CNTNAP2: variants seen among roughly 807,000 people sequenced by gnomAD.
CNTNAP2 encodes the protein contactin-associated protein-like 2.
CNTNAP2 carries 98 observed loss-of-function variants against 155.2 expected under a neutral mutation model. That is an observed-to-expected ratio of 0.63 (90% CI 0.54 to 0.75). The LOEUF (loss-of-function observed/expected upper bound fraction) is 0.75, where lower values mean the gene tolerates loss of function less well. CNTNAP2 is among the 30% of genes least tolerant of loss of function. CNTNAP2 has a pLI of 0.00. For synonymous variants in CNTNAP2, 651 were observed against 631.2 expected, an observed-to-expected ratio of 1.03 and a Z score of -0.47; for missense variants, 1,727 against 1,688.1, an observed-to-expected ratio of 1.02 and a Z score of -0.40.
chr7:146,677,067 T>C (rs1800412319), intron 1 of CNTNAP2, among the ~76,000 whole-genome samples: 2 of 152,200 alleles, frequency 1.3e-5, no homozygotes, highest in Admixed American at 1.3e-4. Flanking sequence ...GTGGTTGGGC[T>C]ACAACTTGGT....
chr7:146,574,410 C>T (rs796625438), intron 1 of CNTNAP2, among the ~76,000 whole-genome samples: 1 of 151,936 alleles, frequency 6.6e-6, no homozygotes, highest in Non-Finnish European at 1.5e-5. Context: ...TTCATACATA[C>T]AAAACAATTA....
intron 16 of CNTNAP2, among the ~76,000 whole-genome samples, chr7:148,124,082 G>A (rs79080238): frequency 6.6e-6 from 1 of 152,208 alleles, no homozygotes; most frequent in East Asian, 1.9e-4. Flanking sequence ...AGAGAAGGGG[G>A]ATTGGTAATA....
chr7:147,999,913 C>A (rs1054977115), intron 15 of CNTNAP2, among the ~76,000 whole-genome samples: 5 of 152,088 alleles, frequency 3.3e-5, no homozygotes, highest in African/African-American at 1.2e-4. Flanking sequence ...ATGAGCCCTG[C>A]CAACTTGGAC....
At chr7:146,666,898 T>A (rs1481742935) in intron 1 of CNTNAP2, among the ~76,000 whole-genome samples, 4 of 152,190 alleles carry the variant, frequency 2.6e-5, no homozygotes, top group Non-Finnish European at 5.9e-5. Flanking sequence ...CCTTGTCAGA[T>A]GTAGAGTTTG....
intron 1 of CNTNAP2, among the ~76,000 whole-genome samples, chr7:146,431,520 A>G (rs1456440911): frequency 1.3e-5 from 2 of 152,060 alleles, no homozygotes; most frequent in Non-Finnish European, 2.9e-5. Flanking sequence ...TTATGACTGC[A>G]ATATTTATAG....
At chr7:146,243,923 T>C (rs1799602254) in intron 1 of CNTNAP2, among the ~76,000 whole-genome samples, 1 of 152,168 alleles carries the variant, frequency 6.6e-6, no homozygotes, top group African/African-American at 2.4e-5. Context: ...GGGCGATGTT[T>C]CTCAGGGCTG....
intron 1 of CNTNAP2, among the ~76,000 whole-genome samples, chr7:146,164,418 A>T (rs1798280323): frequency 6.6e-6 from 1 of 152,128 alleles, no homozygotes; most frequent in Non-Finnish European, 1.5e-5. Context: ...TTAGGTAGGT[A>T]TGTACCTATG....
intron 1 of CNTNAP2, among the ~76,000 whole-genome samples, chr7:146,329,841 C>T (rs995253748): frequency 6.6e-6 from 1 of 152,048 alleles, no homozygotes; most frequent in Non-Finnish European, 1.5e-5. Context: ...TACTTCCCTG[C>T]TCAAGCATTA....
chr7:146,558,812 T>A (rs1328995958), intron 1 of CNTNAP2, among the ~76,000 whole-genome samples: 3 of 152,234 alleles, frequency 2.0e-5, no homozygotes, highest in African/African-American at 7.2e-5. Context: ...CTGCTTCTAT[T>A]AACTACTTCA....
At chr7:148,065,836 C>T (rs933972325) in intron 15 of CNTNAP2, among the ~76,000 whole-genome samples, 38 of 152,098 alleles carry the variant, frequency 2.5e-4, no homozygotes, top group Non-Finnish European at 1.5e-5. Flanking sequence ...TAGTTGTTGC[C>T]TGAATACCTT....
At chr7:147,656,592 T>C (rs969654395) in intron 13 of CNTNAP2, among the ~76,000 whole-genome samples, 1 of 152,212 alleles carries the variant, frequency 6.6e-6, no homozygotes, top group African/African-American at 2.4e-5. Flanking sequence ...CAATTAAGTT[T>C]GTCATCTTCT....
At chr7:146,378,170 G>C (rs543482687) in intron 1 of CNTNAP2, among the ~76,000 whole-genome samples, 66 of 152,256 alleles carry the variant, frequency 4.3e-4, no homozygotes, top group African/African-American at 1.6e-3. Context: ...GGGCAATACA[G>C]GAAATAATAA....
At chr7:146,568,756 C>T (rs1798395570) in intron 1 of CNTNAP2, among the ~76,000 whole-genome samples, 1 of 152,098 alleles carries the variant, frequency 6.6e-6, no homozygotes, top group Non-Finnish European at 1.5e-5. Context: ...TTTCCAAATA[C>T]TGTAGAGGAA....
chr7:146,723,576 A>G (rs1322831735), intron 1 of CNTNAP2, among the ~76,000 whole-genome samples: 1 of 152,230 alleles, frequency 6.6e-6, no homozygotes, highest in Non-Finnish European at 1.5e-5. Context: ...TTAATAAACT[A>G]CAAATGAGAA....
chr7:146,420,741 G>A (rs1361628684), intron 1 of CNTNAP2, among the ~76,000 whole-genome samples: 3 of 152,098 alleles, frequency 2.0e-5, no homozygotes, highest in Non-Finnish European at 1.5e-5. Context: ...AGTATGTAAT[G>A]TATTCATGAT....
In CNTNAP2 at chr7:148,276,054, A is replaced by C. The variant is rs181053516; in HGVS notation, c.3475+8928A>C. ...ATGCTGCAGCATAAGCAGGGTTCAG[A>C]TCAAAGGCGGCTTTACCAGCAGGGC... is the stretch of plus-strand genomic sequence containing the variant. On this transcript the variant is annotated intron_variant, in intron 21 of 23. Transcript: ENST00000361727. Among the ~76,000 whole-genome samples, 637 of 152,246 alleles carry C rather than the reference A, an allele frequency of 4.2e-3. 5 individuals are homozygous for C. The highest frequency in any genetic ancestry group is 0.015 in the African/African-American group (608 of 41,554).
chr7:147,991,892 G>A (rs1401342176), intron 15 of CNTNAP2, among the ~76,000 whole-genome samples: 1 of 151,964 alleles, frequency 6.6e-6, no homozygotes, highest in Non-Finnish European at 1.5e-5. Flanking sequence ...TACCTACTTG[G>A]CTTTCCATAA....
chr7:147,353,230 T>TGTTACATA (rs1796001164), intron 9 of CNTNAP2, among the ~76,000 whole-genome samples: 1 of 151,952 alleles, frequency 6.6e-6, no homozygotes, highest in Non-Finnish European at 1.5e-5. Flanking sequence ...ACACGTGCCA[T>TGTTACATA]GGTCGTTTGC....
At chr7:147,470,486 G>C (rs1200433930) in intron 10 of CNTNAP2, among the ~76,000 whole-genome samples, 1 of 152,006 alleles carries the variant, frequency 6.6e-6, no homozygotes. Flanking sequence ...CTATGATAGC[G>C]TCTTGGATTA....
Sources: gnomAD v4.1 joint callset for allele counts (sites outside exome capture counted in the v4.1 genomes callset) on GRCh38, gnomAD v4.1.1 for gene constraint, MANE v1.5 for transcripts, NCBI Gene and HGNC (gene_info 2026-07-23, HGNC 2026-07-21) for gene names.